Variants in IQSEC1 observed in about 807,000 individuals in gnomAD.
IQSEC1 encodes IQ motif and SEC7 domain-containing protein 1.
In IQSEC1, 31 loss-of-function variants were observed where a neutral mutation model predicts 91.0. The observed-to-expected ratio is 0.34, with a 90% CI of 0.26 to 0.46. IQSEC1 has a LOEUF of 0.46. Among genes scored for constraint, IQSEC1 ranks in the 20% least tolerant of loss-of-function variants. The pLI, the probability that IQSEC1 is intolerant of heterozygous loss-of-function variation, is 1.00. For missense variants in IQSEC1, 1,388 were observed against 1,575.6 expected (o/e 0.88, Z 2.02); for synonymous variants, 699 against 662.6 (o/e 1.05, Z -0.84).
At chr3:12,988,769 G>A (rs752928904) in intron 1 of IQSEC1, among the ~76,000 whole-genome samples, 14 of 152,164 alleles carry the variant, frequency 9.2e-5, no homozygotes, top group Non-Finnish European at 1.9e-4. Context: ...TCTTTAAGCT[G>A]TGCATGTTTG....
chr3:13,050,764 C>T (rs549772305), intron 1 of IQSEC1, among the ~76,000 whole-genome samples: 1 of 152,230 alleles, frequency 6.6e-6, no homozygotes, highest in East Asian at 1.9e-4. Context: ...AGAACAGAGT[C>T]GGCATTCCAT....
intron 2 of IQSEC1, among the ~76,000 whole-genome samples, chr3:13,158,237 C>CA (rs1342189783): frequency 1.3e-5 from 2 of 152,234 alleles, no homozygotes; most frequent in Admixed American, 6.5e-5. Flanking sequence ...CCGTCTCTCA[C>CA]ATTTGGAGCC....
At chr3:13,015,870 C>T (rs9868080) in intron 1 of IQSEC1, among the ~76,000 whole-genome samples, 1 of 152,142 alleles carries the variant, frequency 6.6e-6, no homozygotes, top group Non-Finnish European at 1.5e-5. Context: ...AAATAATACA[C>T]CCACCTCCCT....
chr3:13,003,390 C>T (rs755958536), intron 1 of IQSEC1, among the ~76,000 whole-genome samples: 4 of 151,032 alleles, frequency 2.6e-5, no homozygotes, highest in African/African-American at 9.7e-5. Flanking sequence ...CAAAAGGACA[C>T]GTGTTGTATG....
intron 2 of IQSEC1, among the ~76,000 whole-genome samples, chr3:13,079,251 G>A (rs1705611919): frequency 6.6e-6 from 1 of 152,244 alleles, no homozygotes; most frequent in Non-Finnish European, 1.5e-5. Context: ...GTGGCCCTGA[G>A]CCTTCCTAAA....
intron 13 of IQSEC1, among the ~76,000 whole-genome samples, 172 bp from the exon 14 acceptor site, chr3:12,901,694 C>T (rs1694328375): frequency 6.6e-6 from 1 of 151,908 alleles, no homozygotes; most frequent in Non-Finnish European, 1.5e-5. Flanking sequence ...CCTCCTCTCA[C>T]TACAGTGCAG....
intron 2 of IQSEC1, among the ~76,000 whole-genome samples, chr3:13,102,896 A>G (rs1576251098): frequency 6.6e-6 from 1 of 152,252 alleles, no homozygotes; most frequent in Middle Eastern, 3.4e-3. Flanking sequence ...AGTCCTTACA[A>G]CCACCCTGGG....
At chr3:13,227,433 A>C (rs1694775727) in intron 1 of IQSEC1, among the ~76,000 whole-genome samples, 1 of 151,866 alleles carries the variant, frequency 6.6e-6, no homozygotes, top group Non-Finnish European at 1.5e-5. Flanking sequence ...GAAAAAAAAA[A>C]TCCTGCCCTC....
At chr3:13,153,598 T>C (rs1008352119) in intron 2 of IQSEC1, among the ~76,000 whole-genome samples, 1 of 152,156 alleles carries the variant, frequency 6.6e-6, no homozygotes, top group African/African-American at 2.4e-5. Flanking sequence ...CTAAGATGCC[T>C]CCTGGCCAAT....
intron 1 of IQSEC1, among the ~76,000 whole-genome samples, chr3:13,261,941 G>T (rs569512381): frequency 6.6e-6 from 1 of 152,326 alleles, no homozygotes; most frequent in Non-Finnish European, 1.5e-5. Context: ...TTTTCCTTGG[G>T]CAACTTTCAT....
intron 1 of IQSEC1, among the ~76,000 whole-genome samples, chr3:13,009,432 G>A (rs1002216305): frequency 2.0e-5 from 3 of 152,030 alleles, no homozygotes; most frequent in Non-Finnish European, 4.4e-5. Context: ...AAAGGGAAGC[G>A]CAGAGTGGCT....
chr3:13,129,824 G>GT (rs1432904868), intron 2 of IQSEC1, among the ~76,000 whole-genome samples: 2 of 151,102 alleles, frequency 1.3e-5, no homozygotes, highest in Non-Finnish European at 3.0e-5. Context: ...CGCCCGGCTA[G>GT]TTTTTTTGTG....
intron 2 of IQSEC1, among the ~76,000 whole-genome samples, chr3:13,121,880 G>A (rs914180309): frequency 4.6e-5 from 7 of 152,236 alleles, no homozygotes; most frequent in South Asian, 2.1e-4. Context: ...ACCGTCCTAC[G>A]GAACTGCCCC....
At chr3:13,143,045 C>T (rs1160372094) in intron 2 of IQSEC1, among the ~76,000 whole-genome samples, 1 of 152,236 alleles carries the variant, frequency 6.6e-6, no homozygotes, top group Admixed American at 6.5e-5. Flanking sequence ...CCATGGATGC[C>T]CTCCACCCCA....
intron 1 of IQSEC1, among the ~76,000 whole-genome samples, chr3:12,946,689 T>A (rs549852592): frequency 6.6e-6 from 1 of 152,294 alleles, no homozygotes; most frequent in Non-Finnish European, 1.5e-5. Context: ...GAAAAAGCCT[T>A]GGGGATTTTT....
chr3:13,199,707 C>T (rs547432963), intron 1 of IQSEC1, among the ~76,000 whole-genome samples: 30 of 152,258 alleles, frequency 2.0e-4, no homozygotes, highest in Middle Eastern at 6.8e-3. Context: ...GGAACCTGCT[C>T]GCCCACGAGG....
At chr3:12,917,523 C>G (rs995089539) in intron 6 of IQSEC1, among the ~76,000 whole-genome samples, 3 of 152,234 alleles carry the variant, frequency 2.0e-5, no homozygotes, top group African/African-American at 7.2e-5. Flanking sequence ...TGGCCTCTTT[C>G]ACTCAGTGCT....
At chr3:13,235,146 T>C (rs548982918) in intron 1 of IQSEC1, among the ~76,000 whole-genome samples, 1 of 152,196 alleles carries the variant, frequency 6.6e-6, no homozygotes, top group South Asian at 2.1e-4. Context: ...CAGAAAAGGA[T>C]TAAAAGGGAG....
chr3:13,236,995 C>A (rs1694942039), intron 1 of IQSEC1, among the ~76,000 whole-genome samples: 1 of 152,258 alleles, frequency 6.6e-6, no homozygotes, highest in African/African-American at 2.4e-5. Context: ...GCTCACAACA[C>A]CTGCCCGAGG....
Sources: allele counts gnomAD v4.1 joint callset (sites outside exome capture counted in the v4.1 genomes callset), GRCh38; gene constraint gnomAD v4.1.1; transcripts MANE v1.5; gene names NCBI Gene and HGNC (gene_info 2026-07-23, HGNC 2026-07-21).